Variants in ST8SIA2 observed in about 807,000 individuals in gnomAD.
ST8SIA2 encodes the protein alpha-2,8-sialyltransferase 8B.
ST8SIA2 carries 22 observed loss-of-function variants against 37.6 expected under a neutral mutation model. The ratio of observed to expected loss-of-function variants is 0.58; its 90% CI spans 0.42 to 0.83. The LOEUF (loss-of-function observed/expected upper bound fraction) is 0.83, where lower values mean the gene tolerates loss of function less well. Among genes scored for constraint, ST8SIA2 ranks in the 40% least tolerant of loss-of-function variants. The pLI, the probability that ST8SIA2 is intolerant of heterozygous loss-of-function variation, is 0.00. For missense variants in ST8SIA2, 382 were observed against 484.7 expected (o/e 0.79, Z 1.99); for synonymous variants, 205 against 201.2 (o/e 1.02, Z -0.16).
chr15:92,429,737 C>T (rs940339679), intron 1 of ST8SIA2, among the ~76,000 whole-genome samples: 4 of 152,190 alleles, frequency 2.6e-5, no homozygotes, highest in African/African-American at 9.7e-5. Context: ...GTGGGATTCA[C>T]CAGGGGAGAC....
chr15:92,438,987 T>A (rs2049780993), intron 4 of ST8SIA2, among the ~76,000 whole-genome samples: 2 of 152,248 alleles, frequency 1.3e-5, no homozygotes, highest in African/African-American at 4.8e-5. Flanking sequence ...ATATCATTGA[T>A]GGCTGTTGTC....
chr15:92,457,180 T>C (rs2049925501), intron 5 of ST8SIA2, among the ~76,000 whole-genome samples: 1 of 152,232 alleles, frequency 6.6e-6, no homozygotes, highest in Non-Finnish European at 1.5e-5. Flanking sequence ...AAAGCATCAC[T>C]GAGTCTCCCT....
chr15:92,396,253 A>C (rs1183417685), intron 1 of ST8SIA2, among the ~76,000 whole-genome samples: 1 of 152,216 alleles, frequency 6.6e-6, no homozygotes, highest in African/African-American at 2.4e-5. Context: ...AGGCTGATGT[A>C]GCTGCCTTAG....
chr15:92,463,984 G>T (rs769676577), intron 5 of ST8SIA2, 116 bp from the exon 6 acceptor site: 21 of 1,411,592 alleles, frequency 1.5e-5, no homozygotes, highest in Non-Finnish European at 2.0e-5. Context: ...AGCTTGATCG[G>T]TCCCTGGAGT....
In ST8SIA2 at chr15:92,438,438, A is replaced by T. The variant is rs1278239622; in HGVS notation, c.376A>T (p.Ile126Phe). The T allele has an allele frequency of 5.0e-6, 8 of 1,614,226 alleles. No homozygotes were observed. Among genetic ancestry groups the T allele is most frequent in the Non-Finnish European group, 6.8e-6 (8 of 1,180,034 alleles). Residue 126 changes from isoleucine to phenylalanine, a missense_variant, in exon 4 of 6, where the codon ATC becomes TTC. By Grantham distance (21) the Ile-to-Phe change is conservative. Transcript: ENST00000268164. ...TLKPGDIIHYIFDRDSTMNVS... is the reference protein window; with the variant it reads ...TLKPGDIIHYFFDRDSTMNVS... ...GAAGCCTGGAGATATTATTCATTAC[A>T]TCTTCGATCGAGACAGCACCATGAA...
At chr15:92,405,357 A>G (rs1351357174) in intron 1 of ST8SIA2, among the ~76,000 whole-genome samples, 1 of 152,224 alleles carries the variant, frequency 6.6e-6, no homozygotes, top group African/African-American at 2.4e-5. Flanking sequence ...ATGGGTATAA[A>G]GTTTCAGTTT....
At chr15:92,421,514 A>G (rs904066796) in intron 1 of ST8SIA2, among the ~76,000 whole-genome samples, 1 of 152,246 alleles carries the variant, frequency 6.6e-6, no homozygotes, top group South Asian at 2.1e-4. Context: ...CTTTGCATTC[A>G]TTAGCTCATG....
intron 5 of ST8SIA2, among the ~76,000 whole-genome samples, chr15:92,451,952 G>A (rs1332700425): frequency 6.6e-6 from 1 of 152,164 alleles, no homozygotes; most frequent in Non-Finnish European, 1.5e-5. Context: ...GCCAGGATGG[G>A]TTTGAGTTTA....
intron 4 of ST8SIA2, among the ~76,000 whole-genome samples, chr15:92,441,587 A>G (rs1014577581): frequency 3.7e-5 from 5 of 136,936 alleles, no homozygotes; most frequent in African/African-American, 5.9e-5. Context: ...GCACACACAC[A>G]CACACACACA....
At chr15:92,399,238 G>T (rs1469600779) in intron 1 of ST8SIA2, among the ~76,000 whole-genome samples, 1 of 152,228 alleles carries the variant, frequency 6.6e-6, no homozygotes. Context: ...GCATCTAGGT[G>T]TCCGGAGCAG....
chr15:92,395,825 C>T (rs945591437), intron 1 of ST8SIA2, among the ~76,000 whole-genome samples: 1 of 152,198 alleles, frequency 6.6e-6, no homozygotes, highest in Non-Finnish European at 1.5e-5. Flanking sequence ...GAAGGCCCGG[C>T]GCTGCCCATT....
chr15:92,427,501 T>C (rs1019774530), intron 1 of ST8SIA2, among the ~76,000 whole-genome samples: 2 of 152,216 alleles, frequency 1.3e-5, no homozygotes, highest in African/African-American at 4.8e-5. Context: ...TTGCTTTTAG[T>C]ACAAGCCAAA....
intron 4 of ST8SIA2, among the ~76,000 whole-genome samples, chr15:92,443,669 T>C (rs951307744): frequency 1.3e-4 from 20 of 151,998 alleles, no homozygotes; most frequent in Non-Finnish European, 2.6e-4. Flanking sequence ...GCCCATCTCC[T>C]CCACACAATA....
At chr15:92,430,512 G>A (rs914315400) in intron 2 of ST8SIA2, among the ~76,000 whole-genome samples, 5 of 152,164 alleles carry the variant, frequency 3.3e-5, no homozygotes, top group African/African-American at 1.2e-4. Context: ...TAAAGCATTC[G>A]GGAACTTTGC....
chr15:92,444,959 C>A, intron 5 of ST8SIA2, 30 bp downstream of exon 5: 1 of 1,604,184 alleles, frequency 6.2e-7, no homozygotes. Flanking sequence ...GCCAGTAGGA[C>A]CGTCACTAAG....
intron 1 of ST8SIA2, among the ~76,000 whole-genome samples, chr15:92,421,537 T>G (rs1229045886): frequency 6.6e-6 from 1 of 152,206 alleles, no homozygotes; most frequent in African/African-American, 2.4e-5. Context: ...ATCTTTACAA[T>G]GAACCCATGA....
chr15:92,398,771 A>C (rs1326602673), intron 1 of ST8SIA2, among the ~76,000 whole-genome samples: 1 of 152,248 alleles, frequency 6.6e-6, no homozygotes, highest in Non-Finnish European at 1.5e-5. Context: ...AAACCCATGC[A>C]TGCTCTTGAC....
At chr15:92,407,532 A>G (rs1177046687) in intron 1 of ST8SIA2, among the ~76,000 whole-genome samples, 1 of 152,174 alleles carries the variant, frequency 6.6e-6, no homozygotes, top group Non-Finnish European at 1.5e-5. Flanking sequence ...ACAGGGCCCC[A>G]CTTCACAGTT....
In ST8SIA2 at chr15:92,401,416, A is replaced by G. The variant is rs143697694; in HGVS notation, c.98+7254A>G. ...CCTGCAATTTATCACCCAGCTAGGA[A>G]GCTGCCCGGTGTCCTGACGGGACCT... On this transcript the variant is annotated intron_variant, in intron 1 of 5. Coordinates refer to ENST00000268164, the MANE Select transcript of ST8SIA2 (RefSeq NM_006011.4). 5.7e-3 allele frequency among the ~76,000 whole-genome samples: 867 copies of G among 152,302 alleles called. 7 individuals carry two copies. The highest frequency in any genetic ancestry group is 0.017 in the Middle Eastern group (5 of 294).
Sources: allele counts gnomAD v4.1 joint callset (sites outside exome capture counted in the v4.1 genomes callset), GRCh38; gene constraint gnomAD v4.1.1; transcripts MANE v1.5; gene names NCBI Gene and HGNC (gene_info 2026-07-23, HGNC 2026-07-21).